CNTN3: variants seen among roughly 807,000 people sequenced by gnomAD.
CNTN3 encodes contactin-3.
Under a neutral mutation model 119.1 loss-of-function variants are expected in CNTN3, and 60 were observed. The observed-to-expected ratio is 0.50, with a 90% confidence interval of 0.41 to 0.62. CNTN3 has a LOEUF of 0.62. CNTN3 is among the 20% of genes least tolerant of loss of function. The pLI, the probability that CNTN3 is intolerant of heterozygous loss-of-function variation, is 0.00. For synonymous variants in CNTN3, 450 were observed against 438.7 expected (o/e 1.03, Z -0.32); for missense variants, 1,101 against 1,242.4 (o/e 0.89, Z 1.71).
intron 1 of CNTN3, among the ~76,000 whole-genome samples, chr3:74,599,566 G>A (rs892846626): frequency 1.3e-5 from 2 of 152,038 alleles, no homozygotes; most frequent in South Asian, 2.1e-4. Flanking sequence ...CCTCACATAC[G>A]CAATTCACAA....
At chr3:74,557,727 G>GA (rs5850189) in intron 1 of CNTN3, among the ~76,000 whole-genome samples, 123,208 of 136,960 alleles carry the variant, frequency 0.9, 55,539 homozygotes, top group Middle Eastern at 0.95. Context: ...AGCAACAGAT[G>GA]AAAAAAAAAA....
chr3:74,332,256 T>G (rs182273102), intron 13 of CNTN3, among the ~76,000 whole-genome samples: 1 of 152,338 alleles, frequency 6.6e-6, no homozygotes, highest in Non-Finnish European at 1.5e-5. Context: ...TGTTACATGA[T>G]TCCCTTCTCA....
At chr3:74,607,223 C>T (rs1705008224) in intron 1 of CNTN3, among the ~76,000 whole-genome samples, 1 of 152,146 alleles carries the variant, frequency 6.6e-6, no homozygotes. Flanking sequence ...TATTCCAGAG[C>T]TTTCAGAATA....
intron 13 of CNTN3, among the ~76,000 whole-genome samples, chr3:74,333,013 GA>G (rs910764084): frequency 3.3e-5 from 5 of 152,194 alleles, no homozygotes; most frequent in African/African-American, 1.2e-4. Flanking sequence ...TATCATGACA[GA>G]AAAAAGCAGT....
intron 7 of CNTN3, among the ~76,000 whole-genome samples, chr3:74,369,585 T>C (rs1311325592): frequency 2.0e-5 from 3 of 151,846 alleles, no homozygotes; most frequent in Admixed American, 6.6e-5. Flanking sequence ...TTGACATGAT[T>C]TCGAGAAAAA....
chr3:74,499,707 T>G lies in CNTN3; in HGVS notation c.134A>C (p.Lys45Thr), dbSNP rs1463746183. ...TCTTGCTTCACAATGCAAAGTTATT[T>G]TTTTATCTTCTGAACCAACAGGGAA... Reference protein sequence around the residue: ...SIFPVGSEDKKITLHCEARGN... With the variant: ...SIFPVGSEDKTITLHCEARGN... The change falls in exon 3 of 23, where the codon AAA (lysine) becomes ACA (threonine). Residue 45 changes from lysine to threonine, a missense_variant. Coordinates refer to ENST00000263665, the MANE Select transcript of CNTN3 (RefSeq NM_020872.3). 1 of 1,611,962 alleles carries G rather than the reference T, an allele frequency of 6.2e-7. No homozygotes were observed. Among genetic ancestry groups the G allele is most frequent in the South Asian group, 1.1e-5 (1 of 90,984 alleles).
At chr3:74,353,847 T>C (rs1423427962) in intron 11 of CNTN3, among the ~76,000 whole-genome samples, 1 of 152,134 alleles carries the variant, frequency 6.6e-6, no homozygotes, top group Non-Finnish European at 1.5e-5. Context: ...CACAGTTCTG[T>C]GCACTTTAAC....
chr3:74,324,089 T>C (rs74927339), intron 13 of CNTN3, among the ~76,000 whole-genome samples: 1,656 of 152,296 alleles, frequency 0.011, 14 homozygotes, highest in Middle Eastern at 0.02. Flanking sequence ...TACATAAACA[T>C]ATACAGTGTA....
chr3:74,413,518 T>C (rs1395592842), intron 5 of CNTN3, among the ~76,000 whole-genome samples: 2 of 152,136 alleles, frequency 1.3e-5, no homozygotes, highest in Non-Finnish European at 2.9e-5. Context: ...AAATCCTCAA[T>C]AAACTCAAAA....
At chr3:74,408,598 T>C (rs1233385542) in intron 5 of CNTN3, among the ~76,000 whole-genome samples, 3 of 152,166 alleles carry the variant, frequency 2.0e-5, no homozygotes, top group Non-Finnish European at 2.9e-5. Context: ...CGAGGGCCAT[T>C]CTCAACTATA....
In CNTN3 at chr3:74,452,822, T is replaced by C. The variant is rs1023638715; in HGVS notation, c.359-27882A>G. Among the ~76,000 whole-genome samples, 35 of 151,880 alleles carry C rather than the reference T, an allele frequency of 2.3e-4. 1 individual carries two copies. The highest frequency in any genetic ancestry group is 1.3e-4 in the Admixed American group (2 of 15,200). On this transcript the variant is annotated intron_variant, in intron 4 of 22. Coordinates refer to ENST00000263665, the MANE Select transcript of CNTN3 (RefSeq NM_020872.3). ...TGTTTATATGCTGGATTACATTTAC[T>C]GATTTGCGTATACTGAACCAGCCTT...
At chr3:74,286,627 T>A (rs1702120141) in intron 19 of CNTN3, among the ~76,000 whole-genome samples, 1 of 152,046 alleles carries the variant, frequency 6.6e-6, no homozygotes, top group Admixed American at 6.6e-5. Context: ...AAGGAGAGAC[T>A]GAGGAAAAAC....
chr3:74,396,099 C>T (rs538682426), intron 5 of CNTN3, among the ~76,000 whole-genome samples: 8 of 152,216 alleles, frequency 5.3e-5, no homozygotes, highest in Admixed American at 1.3e-4. Flanking sequence ...TTGGGCCTCC[C>T]TATTTGCCGA....
intron 10 of CNTN3, among the ~76,000 whole-genome samples, chr3:74,362,611 A>G (rs1704100316): frequency 6.6e-6 from 1 of 152,252 alleles, no homozygotes; most frequent in South Asian, 2.1e-4. Flanking sequence ...TAATGTGTAG[A>G]AAATATTACA....
At chr3:74,401,713 C>T (rs373317067) in intron 5 of CNTN3, among the ~76,000 whole-genome samples, 68 of 152,116 alleles carry the variant, frequency 4.5e-4, no homozygotes, top group South Asian at 4.2e-4. Context: ...ATTAAACTCA[C>T]GCCAGAGAAA....
At chr3:74,377,948 G>C (rs1179094845) in intron 5 of CNTN3, among the ~76,000 whole-genome samples, 3 of 152,184 alleles carry the variant, frequency 2.0e-5, no homozygotes, top group Non-Finnish European at 4.4e-5. Flanking sequence ...TTATGAAGGA[G>C]ATTTAATCCT....
At chr3:74,559,959 G>A (rs1319826110) in intron 1 of CNTN3, among the ~76,000 whole-genome samples, 1 of 152,126 alleles carries the variant, frequency 6.6e-6, no homozygotes, top group East Asian at 1.9e-4. Flanking sequence ...TTCAGAATAT[G>A]CACCTCCAAG....
At chr3:74,351,859 A>G (rs1575745231) in intron 11 of CNTN3, among the ~76,000 whole-genome samples, 1 of 152,148 alleles carries the variant, frequency 6.6e-6, no homozygotes, top group Admixed American at 6.5e-5. Context: ...AATCAGCTTA[A>G]TCTTCTCATA....
rs149006907 is a variant in CNTN3, at chr3:74,299,076, G to A, written c.2166+792C>T. On this transcript the variant is annotated intron_variant, in intron 17 of 22. Coordinates refer to ENST00000263665, the MANE Select transcript of CNTN3 (RefSeq NM_020872.3). ...ACAAAAATTACCCACGCATGGTGGC[G>A]CATGCCTGTAATTCTAGCTATTTGG... Among the ~76,000 whole-genome samples the A allele has an allele frequency of 2.6e-3, 389 of 152,014 alleles. 3 individuals carry two copies. The highest frequency in any genetic ancestry group is 8.7e-3 in the African/African-American group (361 of 41,472).
Sources: allele counts gnomAD v4.1 joint callset (sites outside exome capture counted in the v4.1 genomes callset), GRCh38; gene constraint gnomAD v4.1.1; transcripts MANE v1.5; gene names NCBI Gene and HGNC (gene_info 2026-07-23, HGNC 2026-07-21).